The following ME2 variants were observed in gnomAD, a reference collection of about 807,000 sequenced individuals.
ME2 encodes the protein NAD-dependent malic enzyme, mitochondrial.
Under a neutral mutation model 73.7 loss-of-function variants are expected in ME2, and 60 were observed. That is an observed-to-expected ratio of 0.81 (90% confidence interval 0.66 to 1.01). The LOEUF (loss-of-function observed/expected upper bound fraction) is 1.01. Among genes scored for constraint, ME2 ranks in the 50% least tolerant of loss-of-function variants. ME2 has a pLI of 0.00. For synonymous variants in ME2, 199 were observed against 236.9 expected (o/e 0.84, Z 1.47); for missense variants, 594 against 705.5 (o/e 0.84, Z 1.79).
At chr18:50,880,911 A>T (rs1426546885) in intron 1 of ME2, among the ~76,000 whole-genome samples, 1 of 152,084 alleles carries the variant, frequency 6.6e-6, no homozygotes, top group African/African-American at 2.4e-5. Context: ...AAAGGAAAAA[A>T]CCCATTTACC....
chr18:50,879,551 G>C (rs957844906), intron 1 of ME2, among the ~76,000 whole-genome samples: 1 of 152,330 alleles, frequency 6.6e-6, no homozygotes, highest in African/African-American at 2.4e-5. Flanking sequence ...GCTCTACCCG[G>C]CGCGCGATTT....
chr18:50,891,718 T>G (rs1002921098), intron 1 of ME2, among the ~76,000 whole-genome samples: 5 of 152,154 alleles, frequency 3.3e-5, no homozygotes, highest in Admixed American at 6.5e-5. Flanking sequence ...GGTGTGTATG[T>G]ATGGTGTCTC....
chr18:50,919,064 GATT>G (rs370642986), intron 7 of ME2, among the ~76,000 whole-genome samples: 103,606 of 151,794 alleles, frequency 0.68, 35,767 homozygotes, highest in African/African-American at 0.78. Context: ...CCGTCAGTCA[GATT>G]TCAGATATTC....
At chr18:50,879,448 G>C (rs1916258951) in intron 1 of ME2, 140 bp downstream of exon 1, 1 of 152,262 alleles carries the variant, frequency 6.6e-6, no homozygotes, top group Admixed American at 6.5e-5. Context: ...CCGGCCTGGC[G>C]GTGGGGGCTG....
intron 11 of ME2, 117 bp downstream of exon 11, chr18:50,924,329 C>T: frequency 3.0e-6 from 2 of 662,692 alleles, no homozygotes; most frequent in Non-Finnish European, 2.6e-6. Flanking sequence ...TCAGCATGTA[C>T]AATGTTTTCT....
chr18:50,928,519 T>A (rs533541313), intron 12 of ME2, among the ~76,000 whole-genome samples: 158 of 152,350 alleles, frequency 1.0e-3, no homozygotes, highest in African/African-American at 3.5e-3. Flanking sequence ...ATTACAGGCA[T>A]GAGCCACTGC....
In ME2 at chr18:50,908,180, A is replaced by G. The variant is rs753600122; in HGVS notation, c.226A>G (p.Thr76Ala). The change falls in exon 3 of 16, where the codon ACT becomes GCT. Residue 76 changes from threonine to alanine, a missense_variant. Coordinates refer to ENST00000321341, the MANE Select transcript of ME2 (RefSeq NM_002396.5). ...ATTTCATAGAAACTTGAAGAAAATGACTAGCCCTTTGGAAAAGTAAGAGTT... is the reference window on the plus strand; with the variant it reads ...ATTTCATAGAAACTTGAAGAAAATGGCTAGCCCTTTGGAAAAGTAAGAGTT... ...LRFHRNLKKMTSPLEKYIYIM... is the reference protein window; with the variant it reads ...LRFHRNLKKMASPLEKYIYIM... The G allele has an allele frequency of 6.3e-7, 1 of 1,593,234 alleles. No individual in the cohort carries two copies. The highest frequency in any genetic ancestry group is 1.4e-5 in the African/African-American group (1 of 73,626).
chr18:50,886,167 T>TTAA (rs1555674834), intron 1 of ME2, among the ~76,000 whole-genome samples: 16 of 149,040 alleles, frequency 1.1e-4, no homozygotes, highest in South Asian at 4.2e-4. Flanking sequence ...ATTTAAAATT[T>TTAA]AAAAAAAAAG....
intron 10 of ME2, among the ~76,000 whole-genome samples, chr18:50,922,490 A>T (rs1359817227): frequency 6.6e-6 from 1 of 152,248 alleles, no homozygotes; most frequent in African/African-American, 2.4e-5. Flanking sequence ...AGGATAAAAC[A>T]TCACATATTT....
intron 15 of ME2, among the ~76,000 whole-genome samples, chr18:50,941,722 A>C (rs1917966765): frequency 6.6e-6 from 1 of 151,078 alleles, no homozygotes; most frequent in Admixed American, 6.6e-5. Context: ...CTTAAGAACA[A>C]AGGTTTTTAA....
intron 15 of ME2, among the ~76,000 whole-genome samples, chr18:50,941,392 A>G (rs1286354123): frequency 1.1e-4 from 8 of 72,126 alleles, no homozygotes; most frequent in African/African-American, 5.4e-4. Context: ...TTTGAGACAG[A>G]GTCTTGCTCT....
At position 50,920,513 on chromosome 18, in the gene ME2, G is replaced by T; in HGVS notation, c.792G>T (p.Arg264Ser). ...FEDFGNHNAF[R>S]FLRKYREKYC... ...ACTTTGGAAATCATAATGCATTCAG[G>T]TTCTTGAGAAAGTACCGAGAAAAAT... The change falls in exon 8 of 16, where the codon AGG (arginine) becomes AGT (serine). Residue 264 changes from arginine (R) to serine (S), a missense_variant. By Grantham distance (110) the Arg-to-Ser change is moderately radical. Coordinates refer to ENST00000321341, the MANE Select transcript of ME2 (RefSeq NM_002396.5). 6.3e-7 allele frequency: 1 copy of T among 1,599,998 alleles called. No homozygotes were observed. Among genetic ancestry groups the T allele is most frequent in the Middle Eastern group, 1.7e-4 (1 of 6,014 alleles).
chr18:50,938,344 A>G (rs916607822), intron 13 of ME2, among the ~76,000 whole-genome samples: 4 of 152,068 alleles, frequency 2.6e-5, no homozygotes, highest in Non-Finnish European at 4.4e-5. Flanking sequence ...TTTTTTTAAA[A>G]GGGATCCTAC....
At chr18:50,910,169 T>G (rs1246972246) in intron 3 of ME2, among the ~76,000 whole-genome samples, 1 of 148,568 alleles carries the variant, frequency 6.7e-6, no homozygotes, top group Non-Finnish European at 1.5e-5. Flanking sequence ...TGGTGGCTCA[T>G]GCCTGTAATC....
chr18:50,923,481 G>A lies in ME2; in HGVS notation c.1057-617G>A, dbSNP rs553380910. ...TATGAAAAATTCTCAGCCAGGAGTGGTGGCTCATGCATGTGGTGGCTCAGC... is the reference window on the plus strand; with the variant it reads ...TATGAAAAATTCTCAGCCAGGAGTGATGGCTCATGCATGTGGTGGCTCAGC... On this transcript the variant is annotated intron_variant, in intron 10 of 15. Coordinates refer to ENST00000321341, the MANE Select transcript of ME2 (RefSeq NM_002396.5). 2.0e-3 allele frequency among the ~76,000 whole-genome samples: 299 copies of A among 152,188 alleles called. 2 individuals carry two copies. Among genetic ancestry groups the A allele is most frequent in the African/African-American group, 6.9e-3 (286 of 41,536 alleles).
chr18:50,922,468 A>G (rs775913518), intron 10 of ME2, among the ~76,000 whole-genome samples: 10 of 152,240 alleles, frequency 6.6e-5, no homozygotes, highest in Non-Finnish European at 1.3e-4. Context: ...ATTTACTAGT[A>G]TGTAAGGCAC....
At chr18:50,936,209 A>G (rs1917816926) in intron 13 of ME2, among the ~76,000 whole-genome samples, 1 of 152,244 alleles carries the variant, frequency 6.6e-6, no homozygotes, top group Admixed American at 6.5e-5. Flanking sequence ...GGCAGTGGTA[A>G]TGACCTATTA....
chr18:50,928,832 G>A (rs1335969142), intron 12 of ME2, among the ~76,000 whole-genome samples: 2 of 152,044 alleles, frequency 1.3e-5, no homozygotes, highest in African/African-American at 4.8e-5. Context: ...ATGAGACTTT[G>A]GGTGGCTTTG....
intron 10 of ME2, among the ~76,000 whole-genome samples, chr18:50,922,868 C>G (rs1050482559): frequency 1.3e-5 from 2 of 152,178 alleles, no homozygotes; most frequent in African/African-American, 4.8e-5. Flanking sequence ...TAGTGTCCTG[C>G]TTTACTAACC....
Sources: allele counts gnomAD v4.1 joint callset (sites outside exome capture counted in the v4.1 genomes callset), GRCh38; gene constraint gnomAD v4.1.1; transcripts MANE v1.5; gene names NCBI Gene and HGNC (gene_info 2026-07-23, HGNC 2026-07-21).